SLC8A1: variants seen among roughly 807,000 people sequenced by gnomAD.
SLC8A1 encodes solute carrier family 8 member A1.
A neutral mutation model predicts 68.3 loss-of-function variants in SLC8A1; 18 were observed. The ratio of observed to expected loss-of-function variants is 0.26; its 90% CI spans 0.18 to 0.39. The LOEUF is 0.39. SLC8A1 is among the 10% of genes least tolerant of loss of function. The pLI is 1.00. For synonymous variants in SLC8A1, 475 were observed against 415.5 expected (o/e 1.14, Z -1.74); for missense variants, 985 against 1,156.7 (o/e 0.85, Z 2.15).
At chr2:40,418,984 GAGA>G (rs1035403734) in intron 2 of SLC8A1, among the ~76,000 whole-genome samples, 30 of 152,334 alleles carry the variant, frequency 2.0e-4, no homozygotes, top group Middle Eastern at 3.4e-3. Flanking sequence ...GTGGCACTGA[GAGA>G]AGGAGGCCAA....
At chr2:40,447,683 C>G (rs1029114858) in intron 1 of SLC8A1, among the ~76,000 whole-genome samples, 1 of 151,484 alleles carries the variant, frequency 6.6e-6, no homozygotes, top group African/African-American at 2.4e-5. Context: ...TTATTAGGGT[C>G]TATTAGATAG....
At chr2:40,163,200 G>A (rs1429751289) in intron 5 of SLC8A1, among the ~76,000 whole-genome samples, 1 of 152,116 alleles carries the variant, frequency 6.6e-6, no homozygotes, top group Non-Finnish European at 1.5e-5. Flanking sequence ...TACCAGAAAG[G>A]GCTTTGGACC....
At chr2:40,169,219 G>A (rs2047050168) in intron 4 of SLC8A1, among the ~76,000 whole-genome samples, 1 of 152,188 alleles carries the variant, frequency 6.6e-6, no homozygotes, top group South Asian at 2.1e-4. Context: ...TACCTCAGGG[G>A]ACACTGTTGA....
intron 2 of SLC8A1, among the ~76,000 whole-genome samples, chr2:40,230,930 A>C (rs2059570167): frequency 6.6e-6 from 1 of 152,174 alleles, no homozygotes; most frequent in Admixed American, 6.6e-5. Context: ...GTGTGGTTTG[A>C]AACAAGTCTC....
intron 3 of SLC8A1, chr2:40,175,278 A>G (rs753084111): frequency 2.5e-6 from 4 of 1,612,968 alleles, no homozygotes; most frequent in South Asian, 1.1e-5. Flanking sequence ...ATTCAATAAC[A>G]GGGCTGTGAA....
At chr2:40,179,186 A>G (rs1036192884) in intron 2 of SLC8A1, among the ~76,000 whole-genome samples, 2 of 152,198 alleles carry the variant, frequency 1.3e-5, no homozygotes, top group Admixed American at 6.5e-5. Context: ...TGGCCTCACA[A>G]CAGCTGTTGT....
chr2:40,358,973 G>C (rs1673654521), intron 2 of SLC8A1, among the ~76,000 whole-genome samples: 1 of 152,126 alleles, frequency 6.6e-6, no homozygotes, highest in Non-Finnish European at 1.5e-5. Context: ...CTGGGAGAAG[G>C]TGCGGGGGTG....
intron 2 of SLC8A1, among the ~76,000 whole-genome samples, chr2:40,224,435 C>G (rs768169492): frequency 2.0e-5 from 3 of 151,932 alleles, no homozygotes; most frequent in African/African-American, 4.8e-5. Flanking sequence ...AGGCAGAATA[C>G]GAGGGAGATA....
At chr2:40,148,262 A>G (rs1379766043) in intron 6 of SLC8A1, among the ~76,000 whole-genome samples, 1 of 152,230 alleles carries the variant, frequency 6.6e-6, no homozygotes, top group East Asian at 1.9e-4. Flanking sequence ...ATCTTTATGC[A>G]AATCCTCTAT....
At chr2:40,190,622 G>C (rs960710718) in intron 2 of SLC8A1, 1 of 152,110 alleles carries the variant, frequency 6.6e-6, no homozygotes, top group Non-Finnish European at 1.5e-5. Context: ...GTCACGCTGA[G>C]GGATGCCTTA....
chr2:40,353,560 A>T (rs1302232516), intron 2 of SLC8A1, among the ~76,000 whole-genome samples: 4 of 152,188 alleles, frequency 2.6e-5, no homozygotes, highest in Non-Finnish European at 1.5e-5. Flanking sequence ...AGTGGAAAAA[A>T]AAAATGATCT....
chr2:40,180,089 G>C (rs1021368269), intron 2 of SLC8A1, among the ~76,000 whole-genome samples: 27 of 151,956 alleles, frequency 1.8e-4, no homozygotes, highest in African/African-American at 6.5e-4. Flanking sequence ...TAGATGAACA[G>C]CTATAAGTGA....
intron 2 of SLC8A1, among the ~76,000 whole-genome samples, chr2:40,328,314 G>C (rs1390399680): frequency 6.6e-6 from 1 of 152,078 alleles, no homozygotes; most frequent in East Asian, 1.9e-4. Context: ...TTTCACCTTT[G>C]TCCTTGAAAC....
At chr2:40,185,631 G>A (rs2050565044) in intron 2 of SLC8A1, among the ~76,000 whole-genome samples, 1 of 152,154 alleles carries the variant, frequency 6.6e-6, no homozygotes, top group African/African-American at 2.4e-5. Flanking sequence ...GTTGGTGACT[G>A]CTGATGGGTA....
At chr2:40,316,989 G>A (rs966779685) in intron 2 of SLC8A1, among the ~76,000 whole-genome samples, 1 of 151,886 alleles carries the variant, frequency 6.6e-6, no homozygotes, top group African/African-American at 2.4e-5. Flanking sequence ...CTCCTGAAGG[G>A]TGGGGAATTT....
chr2:40,500,069 T>C (rs1705958477), intron 1 of SLC8A1, among the ~76,000 whole-genome samples: 1 of 152,092 alleles, frequency 6.6e-6, no homozygotes, highest in African/African-American at 2.4e-5. Flanking sequence ...TGTACACATG[T>C]AACAATTCAT....
At chr2:40,405,848 T>C (rs1317972337) in intron 2 of SLC8A1, among the ~76,000 whole-genome samples, 1 of 152,206 alleles carries the variant, frequency 6.6e-6, no homozygotes, top group Non-Finnish European at 1.5e-5. Flanking sequence ...GAATAAGCTT[T>C]GACCTGAAAT....
chr2:40,430,301 C>T (rs774001667), exon 2 of SLC8A1: 24 of 1,580,510 alleles, frequency 1.5e-5, no homozygotes, highest in Non-Finnish European at 2.1e-5. Flanking sequence ...ACTGTCACAA[C>T]CTACTGGTAA....
At chr2:40,152,430 A>G (rs1269164437) in intron 6 of SLC8A1, among the ~76,000 whole-genome samples, 1 of 152,102 alleles carries the variant, frequency 6.6e-6, no homozygotes, top group Non-Finnish European at 1.5e-5. Context: ...TTTGAGACAC[A>G]GTCTTGCTCC....
Sources: gnomAD v4.1 joint callset for allele counts (sites outside exome capture counted in the v4.1 genomes callset) on GRCh38, gnomAD v4.1.1 for gene constraint, MANE v1.5 for transcripts, NCBI Gene and HGNC (gene_info 2026-07-23, HGNC 2026-07-21) for gene names.